The following KIR2DL4 variants were observed in gnomAD, a reference collection of about 807,000 sequenced individuals.
The protein encoded by KIR2DL4 is killer cell immunoglobulin-like receptor 2DL4.
KIR2DL4 carries 41 observed loss-of-function variants against 31.0 expected under a neutral mutation model. The ratio of observed to expected loss-of-function variants is 1.32; its 90% CI spans 1.03 to 1.72. KIR2DL4 has a LOEUF of 1.72. KIR2DL4 is among the 40% of genes most tolerant of loss of function. KIR2DL4 has a pLI of 0.00. For missense variants in KIR2DL4, 438 were observed against 353.7 expected (o/e 1.24, Z -1.91); for synonymous variants, 164 against 133.6 (o/e 1.23, Z -1.57).
At position 54,804,989 on chromosome 19, in the gene KIR2DL4, C is replaced by T. The variant is rs763756662; in HGVS notation, c.273C>T (p.His91=). ...TCATTAGCCCTGTGACCCCAGCACACGCAGGGACCTACAGATGTCGAGGTT... is the reference window on the plus strand; with the variant it reads ...TCATTAGCCCTGTGACCCCAGCACATGCAGGGACCTACAGATGTCGAGGTT... The change falls in exon 3 of 8, where the codon CAC becomes CAT. Residue 91 remains histidine, a synonymous_variant. Coordinates refer to ENST00000359085, the Ensembl canonical transcript of KIR2DL4. 38 of 1,611,684 alleles carry T rather than the reference C, an allele frequency of 2.4e-5. No homozygotes were observed. The East Asian group carries it at 4.7e-4, about 20-fold the overall frequency.
intron 4 of KIR2DL4, among the ~76,000 whole-genome samples, chr19:54,807,114 G>T (rs1344087423): frequency 1.3e-5 from 2 of 150,746 alleles, no homozygotes; most frequent in African/African-American, 2.5e-5. Flanking sequence ...CCTTCATGAG[G>T]TCCACCTTTT....
At chr19:54,806,088 A>G in exon 4 of KIR2DL4, 1 of 1,611,978 alleles carries the variant, frequency 6.2e-7, no homozygotes, top group Non-Finnish European at 8.5e-7. Flanking sequence ...CCATGAACTT[A>G]GGCTCCCTGC....
intron 4 of KIR2DL4, among the ~76,000 whole-genome samples, chr19:54,808,321 G>T (rs2060648869): frequency 6.6e-6 from 1 of 150,926 alleles, no homozygotes; most frequent in African/African-American, 2.5e-5. Context: ...TTTCCTTTTA[G>T]ACATTTAATG....
At position 54,813,341 on chromosome 19, in the gene KIR2DL4, G is replaced by C. The variant is rs2060991209; in HGVS notation, c.810+113G>C. 3 of 1,518,114 alleles carry C rather than the reference G, an allele frequency of 2.0e-6. No homozygotes were observed. In the African/African-American group the frequency reaches 4.4e-5, roughly 22 times the overall value. 94.0% of individuals were successfully genotyped at this position (1,518,114 alleles called of 1,614,324 possible). ...GGAAAGTCTCTGGCCCAAGGCAGGA[G>C]CCAGAGGCAGAGCTTTCTAGAGAGA... On this transcript the variant is annotated intron_variant, in intron 6 of 7. Transcript: ENST00000359085.
At chr19:54,805,290 G>A (rs2060446003) in intron 3 of KIR2DL4, among the ~76,000 whole-genome samples, 2 of 151,446 alleles carry the variant, frequency 1.3e-5, no homozygotes, top group South Asian at 2.1e-4. Context: ...CTATGTTATA[G>A]GGCAGGGGAC....
intron 5 of KIR2DL4, among the ~76,000 whole-genome samples, chr19:54,811,823 A>G (rs1373936922): frequency 4.0e-5 from 6 of 151,206 alleles, no homozygotes; most frequent in African/African-American, 1.5e-4. Flanking sequence ...GACAGGCTGT[A>G]TTGAAGCAAC....
chr19:54,803,992 G>A lies in KIR2DL4; in HGVS notation c.76+66G>A. On this transcript the variant is annotated intron_variant, in intron 2 of 7. Coordinates refer to ENST00000359085, the Ensembl canonical transcript of KIR2DL4. ...AATACAAGTGAATTTTCCAGAAATG[G>A]GAGGGAGGCAGCACAGAGGGTGGGC... is the stretch of plus-strand genomic sequence containing the variant. 2.8e-6 allele frequency: 4 copies of A among 1,410,778 alleles called. No individual in the cohort carries two copies. In the East Asian group the frequency reaches 6.9e-5, roughly 24 times the overall value. The allele number at this position is 1,410,778 out of a possible 1,614,324, so 87.4% of individuals were successfully genotyped here. A position where few individuals can be genotyped will look rare whatever the true frequency, so the allele number is the denominator to read the frequency against.
At chr19:54,804,010 G>A in intron 2 of KIR2DL4, 84 bp downstream of exon 2, 1 of 1,290,940 alleles carries the variant, frequency 7.7e-7, no homozygotes, top group Non-Finnish European at 1.1e-6. Context: ...GCAGCACAGA[G>A]GGTGGGCTGA....
chr19:54,813,959 A>G (rs758287427), exon 8 of KIR2DL4: 1 of 1,612,386 alleles, frequency 6.2e-7, no homozygotes, highest in Non-Finnish European at 8.5e-7. Context: ...AACAGATACC[A>G]GCGTGTGTAT....
In KIR2DL4 at chr19:54,809,315, G is replaced by A. The variant is rs1452249305; in HGVS notation, c.706+432G>A. ...AACCCTGGTTGACTTAGTGGAACAA[G>A]AGCTTTGCGGTAAGAGAGAACGTAG... On this transcript the variant is annotated intron_variant, in intron 5 of 7. Transcript: ENST00000359085. Among the ~76,000 whole-genome samples, 81 of 150,710 alleles carry A rather than the reference G, an allele frequency of 5.4e-4. 1 individual carries two copies. Among genetic ancestry groups the A allele is most frequent in the African/African-American group, 1.9e-3 (77 of 40,624 alleles).
At chr19:54,813,878 G>T in exon 8 of KIR2DL4, 3 of 1,612,398 alleles carry the variant, frequency 1.9e-6, no homozygotes, top group Non-Finnish European at 2.5e-6. Context: ...GGTGACATAC[G>T]CACAGTTGGA....
At chr19:54,803,713 G>T in intron 1 of KIR2DL4, 22 bp downstream of exon 1, 1 of 1,609,314 alleles carries the variant, frequency 6.2e-7, no homozygotes, top group Non-Finnish European at 8.5e-7. Flanking sequence ...AAGGGAAGGA[G>T]CACCAGGGTT....
chr19:54,814,174 T>A, exon 8 of KIR2DL4: 5 of 1,566,556 alleles, frequency 3.2e-6, no homozygotes, highest in Middle Eastern at 1.9e-4. Flanking sequence ...TGCCTGTCTC[T>A]TGCTTACCAA....
At position 54,804,375 on chromosome 19, in the gene KIR2DL4, G is replaced by A. The variant is rs1039703958; in HGVS notation, c.77-418G>A. Reference sequence around the variant, plus strand: ...CTCCAGCGTTTCCATGACGGTAGGGGCTGCAGTGTGGCTGCTGTCATTCTG... The same window carrying A: ...CTCCAGCGTTTCCATGACGGTAGGGACTGCAGTGTGGCTGCTGTCATTCTG... On this transcript the variant is annotated intron_variant, in intron 2 of 7. Transcript: ENST00000359085. Among the ~76,000 whole-genome samples the A allele has an allele frequency of 5.9e-5, 9 of 151,340 alleles. 1 individual carries two copies. Among genetic ancestry groups the A allele is most frequent in the Non-Finnish European group, 1.0e-4 (7 of 67,952 alleles).
intron 2 of KIR2DL4, among the ~76,000 whole-genome samples, 184 bp downstream of exon 2, chr19:54,804,110 T>C (rs1248181616): frequency 6.6e-6 from 1 of 150,630 alleles, no homozygotes; most frequent in African/African-American, 2.5e-5. Context: ...TAAGAGGAGA[T>C]CCTGGGAGTC....
Position 54,809,337 on chromosome 19 carries a change from G to A in KIR2DL4, c.706+454G>A, listed in dbSNP as rs112686864. On this transcript the variant is annotated intron_variant, in intron 5 of 7. Coordinates refer to ENST00000359085, the Ensembl canonical transcript of KIR2DL4. Reference sequence around the variant, plus strand: ...CAAGAGCTTTGCGGTAAGAGAGAACGTAGTTCATCCGTGCACATGACACTT... The same window carrying A: ...CAAGAGCTTTGCGGTAAGAGAGAACATAGTTCATCCGTGCACATGACACTT... Among the ~76,000 whole-genome samples, 405 of 150,754 alleles carry A rather than the reference G, an allele frequency of 2.7e-3. 18 individuals carry two copies. The highest frequency in any genetic ancestry group is 9.2e-3 in the African/African-American group (373 of 40,658).
chr19:54,810,728 T>C lies in KIR2DL4; in HGVS notation c.706+1845T>C, dbSNP rs1200586926. Among the ~76,000 whole-genome samples, 201 of 151,282 alleles carry C rather than the reference T, an allele frequency of 1.3e-3. 6 individuals are homozygous for C. In the Middle Eastern group the frequency reaches 0.014, roughly 10 times the overall value. ...AAACTAAGGAGCAACAAGGAGCGTG[T>C]GTTTGATACTCACAGCCATTGGACT... is the stretch of plus-strand genomic sequence containing the variant. On this transcript the variant is annotated intron_variant, in intron 5 of 7. Transcript: ENST00000359085.
At chr19:54,813,269 G>T in intron 6 of KIR2DL4, 1 of 1,598,724 alleles carries the variant, frequency 6.3e-7, no homozygotes, top group Non-Finnish European at 8.5e-7. Context: ...TCAGGGCCCT[G>T]TGCGGAAGCA....
At position 54,813,597 on chromosome 19, in the gene KIR2DL4, C is replaced by T. The variant is rs2061009117; in HGVS notation, c.811-93C>T. The T allele has an allele frequency of 6.0e-6, 8 of 1,340,708 alleles. No individual in the cohort carries two copies. The East Asian group carries it at 1.6e-4, about 27-fold the overall frequency. The allele number at this position is 1,340,708 out of a possible 1,614,324, so 83.1% of individuals were successfully genotyped here. A position where few individuals can be genotyped will look rare whatever the true frequency, so the allele number is the denominator to read the frequency against. Reference sequence around the variant, plus strand: ...GTTGGCAGCTGAGGGACCTCAGGCACCTATGGCCTCCCCCTGTGTGTTGGT... The same window carrying T: ...GTTGGCAGCTGAGGGACCTCAGGCATCTATGGCCTCCCCCTGTGTGTTGGT... On this transcript the variant is annotated intron_variant, in intron 6 of 7. Transcript: ENST00000359085.
Sources: allele counts gnomAD v4.1 joint callset (sites outside exome capture counted in the v4.1 genomes callset), GRCh38; gene constraint gnomAD v4.1.1; transcripts MANE v1.5; gene names NCBI Gene and HGNC (gene_info 2026-07-23, HGNC 2026-07-21).